Variants in HK3 observed in about 807,000 individuals in gnomAD.
HK3 encodes the protein hexokinase 3.
Under a neutral mutation model 91.0 loss-of-function variants are expected in HK3, and 93 were observed. The observed-to-expected ratio is 1.02, with a 90% confidence interval of 0.86 to 1.21. The LOEUF (loss-of-function observed/expected upper bound fraction) is 1.21. Ranked by LOEUF, HK3 falls within the 50% of genes most tolerant of loss-of-function variation. HK3 has a pLI of 0.00. For missense variants in HK3, 1,235 were observed against 1,247.4 expected (o/e 0.99, Z 0.15); for synonymous variants, 519 against 516.9 (o/e 1.00, Z -0.06).
At chr5:176,883,714 C>G (rs1054489103) in intron 15 of HK3, 56 bp downstream of exon 15, 1 of 1,373,948 alleles carries the variant, frequency 7.3e-7, no homozygotes, top group Non-Finnish European at 1.0e-6. Flanking sequence ...GAGGAATCAA[C>G]AGAAGGCAGC....
In HK3 at chr5:176,881,813, C is replaced by A. The variant is rs148073791; in HGVS notation, c.2272G>T (p.Glu758Ter). The A allele has an allele frequency of 3.1e-6, 5 of 1,614,090 alleles. No homozygotes were observed. Among genetic ancestry groups the A allele is most frequent in the East Asian group, 2.2e-5 (1 of 44,886 alleles). ...TGTAAAAGGATGTGGCGGACGATCTCCCCCAGGTACATGCCGCTGATCATC... is the reference window on the plus strand; with the variant it reads ...TGTAAAAGGATGTGGCGGACGATCTACCCCAGGTACATGCCGCTGATCATC... ...EKMISGMYLGEIVRHILLHLT... is the reference protein window; with the variant it reads ...EKMISGMYLG The change falls in exon 17 of 19, where the codon GAG (glutamate) becomes TAG (stop). Residue 758 changes from glutamate (E) to a stop codon, truncating the protein, a stop_gained. Transcript: ENST00000292432. LOFTEE classifies it high-confidence loss of function.
chr5:176,889,490 A>G lies in HK3; in HGVS notation c.805T>C (p.Cys269Arg). Residue 269 changes from cysteine to arginine, a missense_variant, in exon 8 of 19, where the codon TGC becomes CGC. Coordinates refer to ENST00000292432, the MANE Select transcript of HK3 (RefSeq NM_002115.3). The stretch of plus-strand genomic sequence containing the variant: ...AAGGAGCCCCACTCGACGCTGACGC[A>G]GACGCGGCCCCGGTCTTCGTCCAGC... ...AVLDEDRGRV[C>R]VSVEWGSFSD... The G allele has an allele frequency of 6.2e-7, 1 of 1,614,176 alleles. No homozygotes were observed. Among genetic ancestry groups the G allele is most frequent in the Non-Finnish European group, 8.5e-7 (1 of 1,180,032 alleles).
intron 2 of HK3, among the ~76,000 whole-genome samples, chr5:176,891,784 T>C (rs1758782506): frequency 6.6e-6 from 1 of 152,150 alleles, no homozygotes; most frequent in South Asian, 2.1e-4. Context: ...TCCTTCTCAA[T>C]TTCTTACATC....
At chr5:176,882,754 A>C (rs1210944424) in intron 15 of HK3, among the ~76,000 whole-genome samples, 1 of 152,232 alleles carries the variant, frequency 6.6e-6, no homozygotes, top group Non-Finnish European at 1.5e-5. Context: ...CATTCCAGGC[A>C]GAGGACGCAC....
intron 17 of HK3, 41 bp downstream of exon 17, chr5:176,881,651 A>G (rs747962308): frequency 1.2e-6 from 2 of 1,609,880 alleles, no homozygotes; most frequent in East Asian, 4.5e-5. Context: ...GTGGACAGAA[A>G]GACCCCCTGA....
At chr5:176,897,658 C>G (rs766687629) in intron 1 of HK3, among the ~76,000 whole-genome samples, 2 of 152,180 alleles carry the variant, frequency 1.3e-5, no homozygotes, top group Non-Finnish European at 2.9e-5. Context: ...TCCCCCTGTC[C>G]TTGGCTTTCA....
chr5:176,889,478 C>G lies in HK3; in HGVS notation c.817G>C (p.Glu273Gln), dbSNP rs994311865. 5.0e-6 allele frequency: 8 copies of G among 1,614,088 alleles called. No individual in the cohort carries two copies. The highest frequency in any genetic ancestry group is 1.1e-5 in the South Asian group (1 of 91,092). Residue 273 changes from glutamate (E) to glutamine (Q), a missense_variant, in exon 8 of 19, where the codon GAG (glutamate) becomes CAG (glutamine). Glu to Gln is a conservative substitution (Grantham distance 29). Around this residue, in one of 3 missense-constraint regions of HK3, gnomAD observed 717 missense variants for 751.6 expected, o/e 0.95. Transcript: ENST00000292432. ...CCATCATCGCTGAAGGAGCCCCACT[C>G]GACGCTGACGCAGACGCGGCCCCGG... The part of the protein sequence containing the change: ...EDRGRVCVSV[E>Q]WGSFSDDGAL...
At chr5:176,894,778 T>A (rs1164531854) in intron 2 of HK3, among the ~76,000 whole-genome samples, 1 of 125,592 alleles carries the variant, frequency 8.0e-6, no homozygotes, top group African/African-American at 3.6e-5. Flanking sequence ...ATGCAAGTCC[T>A]TTTTTTTTTT....
rs539140785 is a variant in HK3, at chr5:176,889,626, C to T, written c.730+19G>A. On this transcript the variant is annotated intron_variant, in intron 7 of 18. Coordinates refer to ENST00000292432, the MANE Select transcript of HK3 (RefSeq NM_002115.3). ...GCAGCACACCCTCCACCTGTCATCA[C>T]AAATGGTCCATGGCTCACCTACAAC... is the stretch of plus-strand genomic sequence containing the variant. The T allele has an allele frequency of 3.7e-6, 6 of 1,614,210 alleles. No individual in the cohort carries two copies. Among genetic ancestry groups the T allele is most frequent in the Admixed American group, 3.3e-5 (2 of 60,034 alleles).
chr5:176,896,194 G>T lies in HK3; in HGVS notation c.-26-9C>A, dbSNP rs1758908001. On this transcript the variant is annotated splice_polypyrimidine_tract_variant and intron_variant, in intron 1 of 18. Coordinates refer to ENST00000292432, the MANE Select transcript of HK3 (RefSeq NM_002115.3). Reference sequence around the variant, plus strand: ...CAGTGGAAGGTGGCCACCTATGGGAGAAAAGGGACAACCTGGGTCAACCAT... The same window carrying T: ...CAGTGGAAGGTGGCCACCTATGGGATAAAAGGGACAACCTGGGTCAACCAT... The T allele has an allele frequency of 1.3e-6, 2 of 1,501,244 alleles. No homozygotes were observed. The highest frequency in any genetic ancestry group is 1.8e-6 in the Non-Finnish European group (2 of 1,100,974). 93.0% of individuals were successfully genotyped at this position (1,501,244 alleles called of 1,614,324 possible). A position where few individuals can be genotyped will look rare whatever the true frequency, so the allele number is the denominator to read the frequency against.
intron 2 of HK3, among the ~76,000 whole-genome samples, chr5:176,893,680 G>A (rs1758835513): frequency 6.6e-6 from 1 of 152,204 alleles, no homozygotes; most frequent in South Asian, 2.1e-4. Flanking sequence ...GAGTCACGGA[G>A]AAGTCAATGG....
rs538415163 is a variant in HK3 at position 176,882,496 on chromosome 5, G to T, written c.2054-369C>A. ...GAAGCTCCCTGGACCGGCCTGCCAG[G>T]CCCTTAATCCAACTAAGAGGTGCTG... On this transcript the variant is annotated intron_variant, in intron 15 of 18. Coordinates refer to ENST00000292432, the MANE Select transcript of HK3 (RefSeq NM_002115.3). Among the ~76,000 whole-genome samples, 96 of 152,348 alleles carry T rather than the reference G, an allele frequency of 6.3e-4. 1 individual carries two copies. The highest frequency in any genetic ancestry group is 2.1e-3 in the African/African-American group (87 of 41,576).
chr5:176,881,578 A>G (rs746974364), intron 17 of HK3, 43 bp from the exon 18 acceptor site: 10 of 1,583,492 alleles, frequency 6.3e-6, no homozygotes, highest in Non-Finnish European at 8.6e-6. Flanking sequence ...GTGGGTCGTG[A>G]CTTCTCCCAC....
chr5:176,882,048 G>A lies in HK3; in HGVS notation c.2133C>T (p.Ile711=), dbSNP rs494450. The A allele has an allele frequency of 5.6e-6, 9 of 1,613,008 alleles. No individual in the cohort carries two copies. The African/African-American group carries it at 9.3e-5, about 17-fold the overall frequency. ...CCCCAAAGGCGCCCCACTCCATGTTGATGCACATGCGGCCTGAGTCCCCAG... is the reference window on the plus strand; with the variant it reads ...CCCCAAAGGCGCCCCACTCCATGTTAATGCACATGCGGCCTGAGTCCCCAG... ...GVPGDSGRMC[I]NMEWGAFGDD... is the part of the protein sequence containing the mutation. Residue 711 remains isoleucine (I), a synonymous_variant, in exon 16 of 19, where the codon ATC becomes ATT. Coordinates refer to ENST00000292432, the MANE Select transcript of HK3 (RefSeq NM_002115.3).
chr5:176,895,196 A>G (rs1561687030), intron 2 of HK3, among the ~76,000 whole-genome samples: 1 of 149,614 alleles, frequency 6.7e-6, no homozygotes, highest in Non-Finnish European at 1.5e-5. Flanking sequence ...CTCCTGCCTC[A>G]GCCTCCCAAG....
At position 176,881,546 on chromosome 5, in the gene HK3, G is replaced by A; in HGVS notation, c.2394-11C>T. 1 of 1,598,634 alleles carries A rather than the reference G, an allele frequency of 6.3e-7. No homozygotes were observed. The highest frequency in any genetic ancestry group is 8.5e-7 in the Non-Finnish European group (1 of 1,174,304). ...AGGGCCAGGCTGTCACTGGGGGCCA[G>A]GAAGGAAGAGAGCACAGGGAGGTGG... On this transcript the variant is annotated splice_polypyrimidine_tract_variant and intron_variant, in intron 17 of 18. Coordinates refer to ENST00000292432, the MANE Select transcript of HK3 (RefSeq NM_002115.3).
At chr5:176,892,379 G>C (rs1363535914) in intron 2 of HK3, among the ~76,000 whole-genome samples, 1 of 152,168 alleles carries the variant, frequency 6.6e-6, no homozygotes, top group Non-Finnish European at 1.5e-5. Context: ...GGAAGAGCAA[G>C]GGGATGGATT....
chr5:176,895,994 G>A, intron 2 of HK3, 70 bp downstream of exon 2: 1 of 1,283,606 alleles, frequency 7.8e-7, no homozygotes, highest in Non-Finnish European at 1.1e-6. Context: ...AGGGCCCCAT[G>A]GCAGCTTCAG....
At chr5:176,891,871 C>A (rs779989549) in intron 2 of HK3, among the ~76,000 whole-genome samples, 1 of 152,200 alleles carries the variant, frequency 6.6e-6, no homozygotes, top group East Asian at 1.9e-4. Flanking sequence ...AATGATTGCT[C>A]TCTGGCTCCC....
Sources: allele counts gnomAD v4.1 joint callset (sites outside exome capture counted in the v4.1 genomes callset), GRCh38; gene constraint gnomAD v4.1.1; regional missense constraint gnomAD v4.1.1; transcripts MANE v1.5; gene names NCBI Gene and HGNC (gene_info 2026-07-23, HGNC 2026-07-21).